Variants in ADAM15 observed in about 807,000 individuals in gnomAD.
ADAM15 encodes the protein ADAM metallopeptidase domain 15.
A neutral mutation model predicts 113.8 loss-of-function variants in ADAM15; 77 were observed. The ratio of observed to expected loss-of-function variants is 0.68; its 90% CI spans 0.56 to 0.82. ADAM15 has a LOEUF of 0.82. Among genes scored for constraint, ADAM15 ranks in the 40% least tolerant of loss-of-function variants. The pLI, the probability that ADAM15 is intolerant of heterozygous loss-of-function variation, is 0.00. For synonymous variants in ADAM15, 388 were observed against 454.1 expected, an observed-to-expected ratio of 0.85 and a Z score of 1.85; for missense variants, 963 against 1,120.1, an observed-to-expected ratio of 0.86 and a Z score of 2.00.
At chr1:155,059,223 A>G (rs1662218220) in intron 16 of ADAM15, among the ~76,000 whole-genome samples, 1 of 152,066 alleles carries the variant, frequency 6.6e-6, no homozygotes, top group African/African-American at 2.4e-5. Flanking sequence ...ACCCGCCACC[A>G]TGCCCAGCTA....
At position 155,061,937 on chromosome 1, in the gene ADAM15, C is replaced by T; in HGVS notation, c.2386C>T (p.Arg796Cys). Residue 796 changes from arginine to cysteine, a missense_variant, in exon 21 of 23, where the codon CGC becomes TGC. Transcript: ENST00000356955. The part of the protein sequence containing the change: ...ELADRPNPPT[R>C]PLPADPVVRS... Reference sequence around the variant, plus strand: ...GGCTGACCGACCCAATCCCCCTACCCGCCCTCTGCCCGCTGACCCGGTGGT... The same window carrying T: ...GGCTGACCGACCCAATCCCCCTACCTGCCCTCTGCCCGCTGACCCGGTGGT... 6.3e-7 allele frequency: 1 copy of T among 1,584,372 alleles called. No individual in the cohort carries two copies. Among genetic ancestry groups the T allele is most frequent in the Non-Finnish European group, 8.6e-7 (1 of 1,162,716 alleles).
chr1:155,052,506 T>G, intron 1 of ADAM15, 165 bp from the exon 2 acceptor site: 1 of 1,540,860 alleles, frequency 6.5e-7, no homozygotes, highest in Non-Finnish European at 8.7e-7. Flanking sequence ...AGAGACACCC[T>G]CTCCTTCCAG....
chr1:155,057,769 C>A lies in ADAM15; in HGVS notation c.1416+40C>A. On this transcript the variant is annotated intron_variant, in intron 13 of 22. Coordinates refer to ENST00000356955, the MANE Select transcript of ADAM15 (RefSeq NM_207197.3). The surrounding 1 kb of genome is among the most constrained non-coding windows in gnomAD (Gnocchi z 5.0). ...GACTGGCCACCCGGAGCTCACCTGC[C>A]GGGGCCAAGGTGGAAAGGGTCATTC... 2 of 1,613,826 alleles carry A rather than the reference C, an allele frequency of 1.2e-6. No homozygotes were observed. The highest frequency in any genetic ancestry group is 4.5e-5 in the East Asian group (2 of 44,900).
At chr1:155,055,887 C>G in intron 7 of ADAM15, 35 bp downstream of exon 7, 1 of 1,614,236 alleles carries the variant, frequency 6.2e-7, no homozygotes, top group South Asian at 1.1e-5. Flanking sequence ...CCTCCTCCCC[C>G]TGCACTGCCC....
chr1:155,061,045 C>A (rs1358761721), intron 19 of ADAM15: 9 of 595,806 alleles, frequency 1.5e-5, no homozygotes, highest in Non-Finnish European at 8.9e-6. Context: ...CCAGCTGGAG[C>A]AGGAGCTGCT....
chr1:155,061,583 C>T (rs1558134473), intron 20 of ADAM15, 94 bp downstream of exon 20: 7 of 1,335,990 alleles, frequency 5.2e-6, no homozygotes, highest in Non-Finnish European at 7.3e-6. Flanking sequence ...CAGTGGTGCT[C>T]TTCATTAGGT....
Position 155,062,727 on chromosome 1 carries a change from ACAG to A in ADAM15, c.*227_*229del. On this transcript the variant is annotated 3_prime_UTR_variant, in exon 23 of 23. Coordinates refer to ENST00000356955, the MANE Select transcript of ADAM15 (RefSeq NM_207197.3). The surrounding 1 kb of genome is among the most constrained non-coding windows in gnomAD (Gnocchi z 7.0). Reference sequence around the variant, plus strand: ...TTGGACGGGATTGAGGAAGGTCCGCACAGCCTGTCTCTGCTCAGTTGCAATAAA... The same window carrying A: ...TTGGACGGGATTGAGGAAGGTCCGCACCTGTCTCTGCTCAGTTGCAATAAA... 1.7e-6 allele frequency: 1 copy of A among 592,174 alleles called. No individual in the cohort carries two copies. Among genetic ancestry groups the A allele is most frequent in the Non-Finnish European group, 3.0e-6 (1 of 338,772 alleles). The allele number at this position is 592,174 out of a possible 1,614,324, so 36.7% of individuals were successfully genotyped here.
chr1:155,059,904 C>G lies in ADAM15; in HGVS notation c.1998C>G (p.Val666=). The change falls in exon 17 of 23, where the codon GTC becomes GTG. Residue 666 remains valine (V), a splice_region_variant and synonymous_variant. Transcript: ENST00000356955. ...ATTGCTCGCCTTGTACCTCCTAGGT[C>G]TGTGACAGCAACAGGCACTGCTACT... is the stretch of plus-strand genomic sequence containing the variant. ...ECRSKCHGHG[V]CDSNRHCYCE... 1 of 1,613,952 alleles carries G rather than the reference C, an allele frequency of 6.2e-7. No individual in the cohort carries two copies. The highest frequency in any genetic ancestry group is 8.5e-7 in the Non-Finnish European group (1 of 1,179,884).
chr1:155,059,300 C>T (rs1452518333), intron 16 of ADAM15, among the ~76,000 whole-genome samples: 1 of 152,104 alleles, frequency 6.6e-6, no homozygotes, highest in African/African-American at 2.4e-5. Context: ...CTTCTGACCT[C>T]AAGTGATCCT....
chr1:155,061,460 C>T lies in ADAM15; in HGVS notation c.2323C>T (p.Pro775Ser). Residue 775 changes from proline to serine, a missense_variant, in exon 20 of 23, where the codon CCG (proline) becomes TCG (serine). Coordinates refer to ENST00000356955, the MANE Select transcript of ADAM15 (RefSeq NM_207197.3). The part of the protein sequence containing the change: ...SFPAPPSRPL[P>S]PDPVSKRLQA... The stretch of plus-strand genomic sequence containing the variant: ...CCCGGCCCCCCCTTCCAGGCCGCTG[C>T]CGCCTGACCCTGTGTCCAAGAGACT... 1 of 1,613,774 alleles carries T rather than the reference C, an allele frequency of 6.2e-7. No individual in the cohort carries two copies. Among genetic ancestry groups the T allele is most frequent in the Non-Finnish European group, 8.5e-7 (1 of 1,179,892 alleles).
Position 155,056,583 on chromosome 1 carries a change from T to G in ADAM15, c.999+113T>G. 1 of 1,045,194 alleles carries G rather than the reference T, an allele frequency of 9.6e-7. No homozygotes were observed. Among genetic ancestry groups the G allele is most frequent in the South Asian group, 1.5e-5 (1 of 67,752 alleles). 64.7% of individuals were successfully genotyped at this position (1,045,194 alleles called of 1,614,324 possible). A position where few individuals can be genotyped will look rare whatever the true frequency, so the allele number is the denominator to read the frequency against. On this transcript the variant is annotated intron_variant, in intron 10 of 22. Coordinates refer to ENST00000356955, the MANE Select transcript of ADAM15 (RefSeq NM_207197.3). This position sits in a 1 kb window ranked among gnomAD's most constrained non-coding sequence, Gnocchi z 4.0. Reference sequence around the variant, plus strand: ...TTGCCCAACCCCAAAGCTACAGGTATAGAGGGTGGAGGTACGTGATGTGGC... The same window carrying G: ...TTGCCCAACCCCAAAGCTACAGGTAGAGAGGGTGGAGGTACGTGATGTGGC...
rs202088955 is a variant in ADAM15 at position 155,061,984 on chromosome 1, G to C, written c.2424+9G>C. On this transcript the variant is annotated intron_variant, in intron 21 of 22. Transcript: ENST00000356955. ...TGGTGAGAAGCCCGAAGGTAACGGT[G>C]GGGGGAGAGAAGGGCACGGCCTCTC... The C allele has an allele frequency of 1.2e-4, 182 of 1,575,654 alleles. No homozygotes were observed. The highest frequency in any genetic ancestry group is 1.1e-3 in the Admixed American group (62 of 55,458).
Position 155,059,975 on chromosome 1 carries a change from G to C in ADAM15, c.2068+1G>C. The C allele has an allele frequency of 6.2e-7, 1 of 1,613,996 alleles. No individual in the cohort carries two copies. The highest frequency in any genetic ancestry group is 1.7e-4 in the Middle Eastern group (1 of 6,060). On this transcript the variant is annotated splice_donor_variant, in intron 17 of 22. Coordinates refer to ENST00000356955, the MANE Select transcript of ADAM15 (RefSeq NM_207197.3). LOFTEE classifies it high-confidence loss of function. ...CCTGACTGCACCACTCAGCTCAAAG[G>C]TAGCATGGGGGTGGGGGACAGGGGC...
chr1:155,056,484 A>G lies in ADAM15; in HGVS notation c.999+14A>G, dbSNP rs750674985. 5 of 1,610,332 alleles carry G rather than the reference A, an allele frequency of 3.1e-6. No individual in the cohort carries two copies. Among genetic ancestry groups the G allele is most frequent in the South Asian group, 1.1e-5 (1 of 90,978 alleles). Reference sequence around the variant, plus strand: ...GGTGTGAACATGGTGAGTTATTTCCAGGTCTCCTCCTCATTCCCAATTCAG... The same window carrying G: ...GGTGTGAACATGGTGAGTTATTTCCGGGTCTCCTCCTCATTCCCAATTCAG... On this transcript the variant is annotated intron_variant, in intron 10 of 22. Transcript: ENST00000356955. This position sits in a 1 kb window ranked among gnomAD's most constrained non-coding sequence, Gnocchi z 4.0.
Position 155,058,558 on chromosome 1 carries a change from T to A in ADAM15, c.1917+117T>A, listed in dbSNP as rs929633240. ...AGGCAGGGACTCCAAGGGAAGTCAG[T>A]TTCTTACTTCAGATGGAGCAAAGTC... On this transcript the variant is annotated intron_variant, in intron 15 of 22. Transcript: ENST00000356955. This position sits in a 1 kb window ranked among gnomAD's most constrained non-coding sequence, Gnocchi z 4.3. 65 of 1,549,948 alleles carry A rather than the reference T, an allele frequency of 4.2e-5. No homozygotes were observed. Among genetic ancestry groups the A allele is most frequent in the Non-Finnish European group, 5.6e-5 (64 of 1,148,886 alleles).
Position 155,057,632 on chromosome 1 carries a change from C to A in ADAM15, c.1324-5C>A, listed in dbSNP as rs370275878. 5 of 1,614,170 alleles carry A rather than the reference C, an allele frequency of 3.1e-6. No homozygotes were observed. Among genetic ancestry groups the A allele is most frequent in the Non-Finnish European group, 4.2e-6 (5 of 1,180,026 alleles). Reference sequence around the variant, plus strand: ...GATGCCCGGCCCCCGTGCTCCTGCCCACAGGACTGCGTCGATCCCTGCTGT... The same window carrying A: ...GATGCCCGGCCCCCGTGCTCCTGCCAACAGGACTGCGTCGATCCCTGCTGT... On this transcript the variant is annotated splice_region_variant and splice_polypyrimidine_tract_variant and intron_variant, in intron 12 of 22. Transcript: ENST00000356955. This position sits in a 1 kb window ranked among gnomAD's most constrained non-coding sequence, Gnocchi z 5.0.
Position 155,056,881 on chromosome 1 carries a change from A to C in ADAM15, c.1000-72A>C. On this transcript the variant is annotated intron_variant, in intron 10 of 22. Transcript: ENST00000356955. The surrounding 1 kb of genome is among the most constrained non-coding windows in gnomAD (Gnocchi z 4.0). ...GGTCAGACGTGGAGGGAACAGGAGCAGAGAGGGTGGTCTGGGCATTGTGGT... is the reference window on the plus strand; with the variant it reads ...GGTCAGACGTGGAGGGAACAGGAGCCGAGAGGGTGGTCTGGGCATTGTGGT... 2.6e-6 allele frequency: 4 copies of C among 1,510,690 alleles called. No individual in the cohort carries two copies. The highest frequency in any genetic ancestry group is 3.5e-6 in the Non-Finnish European group (4 of 1,128,496). 93.6% of individuals were successfully genotyped at this position (1,510,690 alleles called of 1,614,324 possible).
In ADAM15 at chr1:155,056,459, G is replaced by A. The variant is rs764229435; in HGVS notation, c.988G>A (p.Gly330Ser). 5 of 1,613,868 alleles carry A rather than the reference G, an allele frequency of 3.1e-6. No individual in the cohort carries two copies. The African/African-American group carries it at 6.7e-5, about 22-fold the overall frequency. Residue 330 changes from glycine to serine, a missense_variant, in exon 10 of 23, where the codon GGT (glycine) becomes AGT (serine). Physicochemically the swap from Gly to Ser is moderately conservative, Grantham distance 56 (BLOSUM62 0). Transcript: ENST00000356955. The surrounding 1 kb of genome is among the most constrained non-coding windows in gnomAD (Gnocchi z 4.0). ...CATCTGTTCTCCTGACTTCTCAGGA[G>A]GTGTGAACATGGTGAGTTATTTCCA... ...NSICSPDFSGGVNMDHSTSIL... is the reference protein window; with the variant it reads ...NSICSPDFSGSVNMDHSTSIL...
Position 155,052,789 on chromosome 1 carries a change from C to A in ADAM15, c.186+12C>A. 6.2e-7 allele frequency: 1 copy of A among 1,601,760 alleles called. No homozygotes were observed. Among genetic ancestry groups the A allele is most frequent in the Non-Finnish European group, 8.5e-7 (1 of 1,174,262 alleles). On this transcript the variant is annotated intron_variant, in intron 2 of 22. Transcript: ENST00000356955. ...AAAAGGTGCTTCAGGTGAGCTCTCACTCCCCTCTAATAAATAAACGAATCC... is the reference window on the plus strand; with the variant it reads ...AAAAGGTGCTTCAGGTGAGCTCTCAATCCCCTCTAATAAATAAACGAATCC...
Sources: allele counts gnomAD v4.1 joint callset (sites outside exome capture counted in the v4.1 genomes callset), GRCh38; gene constraint gnomAD v4.1.1; non-coding constraint Gnocchi (gnomAD v3.1); transcripts MANE v1.5; gene names NCBI Gene and HGNC (gene_info 2026-07-23, HGNC 2026-07-21).